PCDHGA1: variants seen among roughly 807,000 people sequenced by gnomAD.
The protein encoded by PCDHGA1 is protocadherin gamma-A1.
PCDHGA1 carries 32 observed loss-of-function variants against 58.0 expected under a neutral mutation model. The observed-to-expected ratio is 0.55, with a 90% CI of 0.42 to 0.74. The LOEUF is 0.74. PCDHGA1 is among the 30% of genes least tolerant of loss of function. The pLI, the probability that PCDHGA1 is intolerant of heterozygous loss-of-function variation, is 0.00. For synonymous variants in PCDHGA1, 498 were observed against 501.1 expected (o/e 0.99, Z 0.08); for missense variants, 1,205 against 1,182.3 (o/e 1.02, Z -0.28).
chr5:141,397,332 A>G (rs1246653356), intron 1 of PCDHGA1, among the ~76,000 whole-genome samples: 1 of 152,234 alleles, frequency 6.6e-6, no homozygotes, highest in Non-Finnish European at 1.5e-5. Flanking sequence ...AATTATTTTT[A>G]TAAAGAATGT....
At chr5:141,333,277 A>G in intron 1 of PCDHGA1, 172 bp downstream of exon 1, 1 of 977,260 alleles carries the variant, frequency 1.0e-6, no homozygotes, top group Non-Finnish European at 1.5e-6. Flanking sequence ...ATGCAGGTAT[A>G]TTTATAATTG....
chr5:141,463,532 T>C (rs1237301892), intron 1 of PCDHGA1, among the ~76,000 whole-genome samples: 2 of 133,692 alleles, frequency 1.5e-5, no homozygotes, highest in Non-Finnish European at 3.1e-5. Flanking sequence ...TACTAGAAAC[T>C]CCGGCTCCCG....
intron 3 of PCDHGA1, chr5:141,507,000 TGA>T (rs1235660361): frequency 1.3e-5 from 2 of 152,218 alleles, no homozygotes; most frequent in African/African-American, 4.8e-5. Flanking sequence ...ACTCGACAGA[TGA>T]GAGAACCGAG....
intron 1 of PCDHGA1, among the ~76,000 whole-genome samples, chr5:141,386,239 T>C (rs940209503): frequency 2.0e-5 from 3 of 152,238 alleles, no homozygotes; most frequent in Non-Finnish European, 2.9e-5. Flanking sequence ...AAAAATTCAG[T>C]TGGAAATAAC....
At chr5:141,335,007 T>C (rs940954677) in intron 1 of PCDHGA1, among the ~76,000 whole-genome samples, 1 of 152,254 alleles carries the variant, frequency 6.6e-6, no homozygotes, top group Admixed American at 6.5e-5. Context: ...TTGTTACTAG[T>C]GAGAAACTTT....
chr5:141,348,891 A>G (rs1335094917), intron 1 of PCDHGA1, among the ~76,000 whole-genome samples: 1 of 152,108 alleles, frequency 6.6e-6, no homozygotes, highest in African/African-American at 2.4e-5. Flanking sequence ...CTCATTTGGT[A>G]ATGCATTTGA....
intron 1 of PCDHGA1, chr5:141,411,291 C>G (rs2095478163): frequency 6.6e-6 from 1 of 152,158 alleles, no homozygotes; most frequent in South Asian, 2.1e-4. Context: ...ATTCAGAAGA[C>G]AGGCCCAGTG....
At chr5:141,419,934 T>C (rs1427601115) in intron 1 of PCDHGA1, 3 of 1,613,952 alleles carry the variant, frequency 1.9e-6, no homozygotes, top group Non-Finnish European at 2.5e-6. Flanking sequence ...CAGTTTTACC[T>C]GGTGGTGGCC....
chr5:141,488,518 G>A lies in PCDHGA1; in HGVS notation c.2422-6289G>A, dbSNP rs2233597. On this transcript the variant is annotated intron_variant, in intron 1 of 3. Coordinates refer to ENST00000517417, the MANE Select transcript of PCDHGA1 (RefSeq NM_018912.3). Reference sequence around the variant, plus strand: ...CACTCATTCCACATTTGGGGTCTGGGGTGTCAGAAAAGCTAAGTCCCATGT... The same window carrying A: ...CACTCATTCCACATTTGGGGTCTGGAGTGTCAGAAAAGCTAAGTCCCATGT... Among the ~76,000 whole-genome samples the A allele has an allele frequency of 5.8e-3, 879 of 152,218 alleles. 4 individuals are homozygous for A. The highest frequency in any genetic ancestry group is 0.021 in the African/African-American group (853 of 41,520).
At chr5:141,410,363 C>T (rs1341289640) in intron 1 of PCDHGA1, 6 of 1,614,068 alleles carry the variant, frequency 3.7e-6, no homozygotes, top group Non-Finnish European at 3.4e-6. Flanking sequence ...CTCTCTCAGC[C>T]CTGCTACTTG....
intron 1 of PCDHGA1, chr5:141,346,574 C>G (rs1757774307): frequency 7.0e-7 from 1 of 1,420,428 alleles, no homozygotes; most frequent in Non-Finnish European, 9.5e-7. Flanking sequence ...AGTCCTTTGA[C>G]TAAATATTTG....
chr5:141,409,445 A>G, intron 1 of PCDHGA1: 1 of 1,613,988 alleles, frequency 6.2e-7, no homozygotes, highest in Non-Finnish European at 8.5e-7. Context: ...CCGAGAGCAG[A>G]CACCAGAATA....
At chr5:141,422,936 C>A (rs1428873210) in intron 1 of PCDHGA1, 2 of 1,614,260 alleles carry the variant, frequency 1.2e-6, no homozygotes, top group East Asian at 4.5e-5. Flanking sequence ...GCCCTCCCCA[C>A]AGACGGCTCC....
At chr5:141,460,035 A>G (rs1246945474) in intron 1 of PCDHGA1, among the ~76,000 whole-genome samples, 1 of 152,140 alleles carries the variant, frequency 6.6e-6, no homozygotes, top group Non-Finnish European at 1.5e-5. Context: ...CCGAGACTGC[A>G]CCACTGCACT....
chr5:141,408,157 T>C (rs748693406), intron 1 of PCDHGA1: 70 of 1,514,372 alleles, frequency 4.6e-5, no homozygotes, highest in Non-Finnish European at 5.9e-5. Flanking sequence ...AGAGTGCACT[T>C]TCTCCAACTG....
At chr5:141,407,602 G>A (rs1395597779) in intron 1 of PCDHGA1, among the ~76,000 whole-genome samples, 2 of 152,064 alleles carry the variant, frequency 1.3e-5, no homozygotes, top group Non-Finnish European at 2.9e-5. Context: ...ATCTTAAAAA[G>A]AAGCATTGGT....
At chr5:141,380,579 G>A (rs892018372) in intron 1 of PCDHGA1, among the ~76,000 whole-genome samples, 1 of 152,134 alleles carries the variant, frequency 6.6e-6, no homozygotes, top group Non-Finnish European at 1.5e-5. Context: ...TATCTTGGCG[G>A]TCTAGTAAAG....
Position 141,490,850 on chromosome 5 carries a change from G to A in PCDHGA1, c.2422-3957G>A, listed in dbSNP as rs374508743. The A allele has an allele frequency of 7.2e-5, 116 of 1,613,706 alleles. No homozygotes were observed. The highest frequency in any genetic ancestry group is 9.5e-5 in the Non-Finnish European group (112 of 1,179,902). ...ATGCTGCAGATTGTGGTGGGGGTTC[G>A]AGACTCCGGCTCTCCCCCATTGCAT... On this transcript the variant is annotated intron_variant, in intron 1 of 3. Transcript: ENST00000517417. This position sits in a 1 kb window ranked among gnomAD's most constrained non-coding sequence, Gnocchi z 5.4.
At chr5:141,350,388 C>T in intron 1 of PCDHGA1, 1 of 1,596,148 alleles carries the variant, frequency 6.3e-7, no homozygotes, top group Non-Finnish European at 8.6e-7. Flanking sequence ...GCCAACGGCT[C>T]ACGGGTGGGG....
Sources: allele counts gnomAD v4.1 joint callset (sites outside exome capture counted in the v4.1 genomes callset), GRCh38; gene constraint gnomAD v4.1.1; non-coding constraint Gnocchi (gnomAD v3.1); transcripts MANE v1.5; gene names NCBI Gene and HGNC (gene_info 2026-07-23, HGNC 2026-07-21).